MS4A5: variants seen among roughly 807,000 people sequenced by gnomAD.
MS4A5 encodes membrane spanning 4-domains A5.
MS4A5 carries 15 observed loss-of-function variants against 18.2 expected under a neutral mutation model. The ratio of observed to expected loss-of-function variants is 0.83; its 90% CI spans 0.55 to 1.27. The LOEUF is 1.27. MS4A5 is among the 50% of genes most tolerant of loss of function. The pLI, the probability that MS4A5 is intolerant of heterozygous loss-of-function variation, is 0.00. For synonymous variants in MS4A5, 89 were observed against 78.7 expected, an observed-to-expected ratio of 1.13 and a Z score of -0.69; for missense variants, 232 against 225.7, an observed-to-expected ratio of 1.03 and a Z score of -0.18.
At chr11:60,431,709 G>A (rs2086049373) in intron 2 of MS4A5, among the ~76,000 whole-genome samples, 2 of 152,202 alleles carry the variant, frequency 1.3e-5, no homozygotes, top group East Asian at 1.9e-4. Flanking sequence ...ACAGAAGATG[G>A]GAGTTGGGAT....
chr11:60,444,869 A>G (rs1237217648), intron 4 of MS4A5, among the ~76,000 whole-genome samples: 1 of 152,212 alleles, frequency 6.6e-6, no homozygotes. Flanking sequence ...GTGGTTTTTT[A>G]AAAAGTTAAT....
At position 60,444,192 on chromosome 11, in the gene MS4A5, T is replaced by C. The variant is rs1040828770; in HGVS notation, c.493-3457T>C. On this transcript the variant is annotated intron_variant, in intron 4 of 4. Transcript: ENST00000300190. ...TTACGGGTAACTCTATCTTGTAAAC[T>C]TTGTGAAGAAATCTGAAATAAAATA... Among the ~76,000 whole-genome samples, 4 of 152,198 alleles carry C rather than the reference T, an allele frequency of 2.6e-5. No homozygotes were observed. In the East Asian group the frequency reaches 5.8e-4, roughly 22 times the overall value.
Position 60,430,899 on chromosome 11 carries a change from G to T in MS4A5, c.257G>T (p.Gly86Val), listed in dbSNP as rs1201398128. Residue 86 changes from glycine to valine, a missense_variant, in exon 2 of 5, where the codon GGA (glycine) becomes GTA (valine). Physicochemically the swap from Gly to Val is moderately radical, Grantham distance 109. Transcript: ENST00000300190. ...AGGTTTCCCTTTATATTTCTTTCAG[G>T]ATATCCATTCTGGGGCTCTGTTTTG... Reference protein sequence around the residue: ...YPRFPFIFLSGYPFWGSVLFI... With the variant: ...YPRFPFIFLSVYPFWGSVLFI... The T allele has an allele frequency of 6.2e-7, 1 of 1,612,826 alleles. No homozygotes were observed. The highest frequency in any genetic ancestry group is 1.1e-5 in the South Asian group (1 of 90,960).
intron 4 of MS4A5, among the ~76,000 whole-genome samples, chr11:60,434,644 T>A (rs77475133): frequency 0.053 from 8,115 of 152,262 alleles, 287 homozygotes; most frequent in South Asian, 0.16. Context: ...GAAGTCTTTT[T>A]ATTAAAAAAC....
At chr11:60,438,767 T>C (rs943724090) in intron 4 of MS4A5, among the ~76,000 whole-genome samples, 2 of 148,110 alleles carry the variant, frequency 1.4e-5, no homozygotes, top group African/African-American at 5.0e-5. Context: ...GGAGCTGAAA[T>C]TGTGGCAATA....
intron 4 of MS4A5, among the ~76,000 whole-genome samples, chr11:60,438,674 A>G (rs1331008360): frequency 6.6e-6 from 1 of 152,132 alleles, no homozygotes; most frequent in East Asian, 1.9e-4. Flanking sequence ...GAAAATCTAG[A>G]AGAAATGGAT....
chr11:60,443,256 T>C (rs972456688), intron 4 of MS4A5, among the ~76,000 whole-genome samples: 2 of 152,016 alleles, frequency 1.3e-5, no homozygotes, highest in African/African-American at 2.4e-5. Context: ...CCTACAAGCC[T>C]CAACAAAATT....
intron 4 of MS4A5, 39 bp from the exon 5 acceptor site, chr11:60,447,610 C>A: frequency 1.7e-6 from 2 of 1,177,210 alleles, no homozygotes; most frequent in Non-Finnish European, 2.4e-6. Context: ...GTGCCAACAT[C>A]ATGACTCTTC....
In MS4A5 at chr11:60,433,802, T is replaced by G; in HGVS notation, c.377T>G (p.Leu126Arg). Residue 126 changes from leucine (L) to arginine (R), a missense_variant, in exon 4 of 5, where the codon CTG becomes CGG. By Grantham distance (102) the Leu-to-Arg change is moderately radical (BLOSUM62 -2). Coordinates refer to ENST00000300190, the MANE Select transcript of MS4A5 (RefSeq NM_023945.3). ...CGAATAATGAATTTTCTTAGTGCCC[T>G]GGGAGCAATAGCTGGAATCATTCTC... ...LSRIMNFLSA[L>R]GAIAGIILLT... 1 of 1,614,006 alleles carries G rather than the reference T, an allele frequency of 6.2e-7. No homozygotes were observed.
In MS4A5 at chr11:60,429,843, C is replaced by T; in HGVS notation, c.153+16C>T. The T allele has an allele frequency of 1.9e-6, 3 of 1,608,392 alleles. No individual in the cohort carries two copies. Among genetic ancestry groups the T allele is most frequent in the South Asian group, 2.2e-5 (2 of 90,472 alleles). ...AATCTTAGGGGTAAGTAAGACTTGCCCCTATGTATATTTTACTGAGGCAGG... is the reference window on the plus strand; with the variant it reads ...AATCTTAGGGGTAAGTAAGACTTGCTCCTATGTATATTTTACTGAGGCAGG... On this transcript the variant is annotated intron_variant, in intron 1 of 4. Coordinates refer to ENST00000300190, the MANE Select transcript of MS4A5 (RefSeq NM_023945.3).
intron 4 of MS4A5, among the ~76,000 whole-genome samples, chr11:60,442,277 A>G (rs1191923509): frequency 6.6e-6 from 1 of 152,248 alleles, no homozygotes; most frequent in African/African-American, 2.4e-5. Flanking sequence ...TAGCTAATTA[A>G]CAAAGGCATT....
intron 4 of MS4A5, among the ~76,000 whole-genome samples, chr11:60,444,626 A>T (rs2086130099): frequency 6.6e-6 from 1 of 152,242 alleles, no homozygotes; most frequent in African/African-American, 2.4e-5. Flanking sequence ...TTCACAAAGA[A>T]AGATAGATAA....
At chr11:60,431,855 G>A (rs1457383560) in intron 2 of MS4A5, among the ~76,000 whole-genome samples, 2 of 152,164 alleles carry the variant, frequency 1.3e-5, no homozygotes, top group Non-Finnish European at 2.9e-5. Flanking sequence ...GGAGAGATGA[G>A]GCTGGAAAAT....
At chr11:60,433,978 A>G (rs1014048976) in intron 4 of MS4A5, 61 bp downstream of exon 4, 9 of 1,422,674 alleles carry the variant, frequency 6.3e-6, no homozygotes, top group African/African-American at 1.4e-5. Context: ...ATTTATTAGC[A>G]CTCAATCAGC....
At chr11:60,444,659 C>T (rs77917751) in intron 4 of MS4A5, among the ~76,000 whole-genome samples, 159 of 152,218 alleles carry the variant, frequency 1.0e-3, no homozygotes, top group Middle Eastern at 0.01. Flanking sequence ...CATATGAGAA[C>T]GTGCTCAACA....
intron 2 of MS4A5, 60 bp from the exon 3 acceptor site, chr11:60,432,351 T>C (rs2086053624): frequency 8.7e-7 from 1 of 1,144,666 alleles, no homozygotes; most frequent in African/African-American, 1.5e-5. Flanking sequence ...AGGTCTATTC[T>C]GTAAGAACTC....
At position 60,444,410 on chromosome 11, in the gene MS4A5, A is replaced by T. The variant is rs138826548; in HGVS notation, c.493-3239A>T. Among the ~76,000 whole-genome samples, 784 of 152,248 alleles carry T rather than the reference A, an allele frequency of 5.1e-3. 5 individuals are homozygous for T. Among genetic ancestry groups the T allele is most frequent in the African/African-American group, 0.018 (738 of 41,534 alleles). ...AATATCTTCACGACCATGGTAGTAGACAAAGCTTTCTTAGATAAAACATAA... is the reference window on the plus strand; with the variant it reads ...AATATCTTCACGACCATGGTAGTAGTCAAAGCTTTCTTAGATAAAACATAA... On this transcript the variant is annotated intron_variant, in intron 4 of 4. Coordinates refer to ENST00000300190, the MANE Select transcript of MS4A5 (RefSeq NM_023945.3).
At chr11:60,430,959 T>C (rs765315363) in intron 2 of MS4A5, 35 bp downstream of exon 2, 3 of 1,592,222 alleles carry the variant, frequency 1.9e-6, no homozygotes, top group South Asian at 2.3e-5. Flanking sequence ...TTTGAAGCCA[T>C]GCCAACCAGG....
At chr11:60,430,311 AC>A (rs1253463470) in intron 1 of MS4A5, among the ~76,000 whole-genome samples, 1 of 151,956 alleles carries the variant, frequency 6.6e-6, no homozygotes, top group African/African-American at 2.4e-5. Context: ...TGAGAGTGTG[AC>A]AATACCTCAA....
Sources: allele counts gnomAD v4.1 joint callset (sites outside exome capture counted in the v4.1 genomes callset), GRCh38; gene constraint gnomAD v4.1.1; transcripts MANE v1.5; gene names NCBI Gene and HGNC (gene_info 2026-07-23, HGNC 2026-07-21).